The following TBCK variants were observed in gnomAD, a reference collection of about 807,000 sequenced individuals.
TBCK encodes the protein TBC domain-containing protein kinase-like protein.
TBCK carries 99 observed loss-of-function variants against 113.4 expected under a neutral mutation model. The ratio of observed to expected loss-of-function variants is 0.87; its 90% CI spans 0.74 to 1.03. TBCK has a LOEUF of 1.03. Among genes scored for constraint, TBCK ranks in the 50% least tolerant of loss-of-function variants. The pLI is 0.00. For synonymous variants in TBCK, 369 were observed against 370.8 expected (o/e 1.00, Z 0.05); for missense variants, 1,045 against 1,061.3 (o/e 0.98, Z 0.21).
intron 24 of TBCK, among the ~76,000 whole-genome samples, chr4:106,107,504 C>T (rs1248959797): frequency 6.6e-6 from 1 of 152,070 alleles, no homozygotes; most frequent in African/African-American, 2.4e-5. Flanking sequence ...CATACAATTA[C>T]ATAGAAATTA....
chr4:106,072,096 T>C (rs1008982601), intron 25 of TBCK, among the ~76,000 whole-genome samples: 3 of 152,204 alleles, frequency 2.0e-5, no homozygotes, highest in Non-Finnish European at 4.4e-5. Flanking sequence ...CCCATTTACA[T>C]TTAAGATTAA....
chr4:106,093,108 A>T (rs1166281430), intron 25 of TBCK, among the ~76,000 whole-genome samples: 1 of 152,220 alleles, frequency 6.6e-6, no homozygotes, highest in Non-Finnish European at 1.5e-5. Context: ...CAGTTATATA[A>T]AAGATAGGTG....
At chr4:106,176,750 C>T (rs772818391) in intron 22 of TBCK, among the ~76,000 whole-genome samples, 22 of 151,832 alleles carry the variant, frequency 1.4e-4, no homozygotes, top group Admixed American at 1.1e-3. Context: ...TTTTGAGGAA[C>T]CTCCATACTG....
chr4:106,168,061 T>C lies in TBCK; in HGVS notation c.2235+3034A>G, dbSNP rs116050363. Among the ~76,000 whole-genome samples the C allele has an allele frequency of 2.7e-3, 411 of 151,958 alleles. 4 individuals are homozygous for C. The highest frequency in any genetic ancestry group is 9.4e-3 in the African/African-American group (391 of 41,538). On this transcript the variant is annotated intron_variant, in intron 23 of 25. Transcript: ENST00000394708. Reference sequence around the variant, plus strand: ...AGACAAAGACATTACAAGAAAACAGTATCTCTCATGAACATAGATACCAAA... The same window carrying C: ...AGACAAAGACATTACAAGAAAACAGCATCTCTCATGAACATAGATACCAAA...
chr4:106,122,579 G>A (rs903711095), intron 23 of TBCK, among the ~76,000 whole-genome samples: 7 of 152,262 alleles, frequency 4.6e-5, no homozygotes, highest in East Asian at 1.9e-4. Flanking sequence ...CAAAAAAAGC[G>A]AATTTTAGAC....
chr4:106,313,015 T>C (rs2125906407), intron 1 of TBCK, among the ~76,000 whole-genome samples: 1 of 152,304 alleles, frequency 6.6e-6, no homozygotes, highest in South Asian at 2.1e-4. Flanking sequence ...GTTTTATGGA[T>C]GAGTACATGC....
chr4:106,295,739 G>C (rs7688008), intron 2 of TBCK, among the ~76,000 whole-genome samples: 28,352 of 152,044 alleles, frequency 0.19, 2,668 homozygotes, highest in South Asian at 0.25. Context: ...ACTTTTGACT[G>C]TCCCAAAACT....
chr4:106,190,538 A>G (rs1753542980), intron 22 of TBCK, among the ~76,000 whole-genome samples: 1 of 152,184 alleles, frequency 6.6e-6, no homozygotes, highest in African/African-American at 2.4e-5. Flanking sequence ...TCACAATTAC[A>G]CTATATCTCT....
At chr4:106,297,848 C>G (rs1333247611) in intron 2 of TBCK, 1 of 152,204 alleles carries the variant, frequency 6.6e-6, no homozygotes, top group African/African-American at 2.4e-5. Context: ...CCTCTCTATG[C>G]CAGATTTTTT....
intron 2 of TBCK, among the ~76,000 whole-genome samples, chr4:106,301,129 T>G (rs1224747229): frequency 6.6e-6 from 1 of 151,774 alleles, no homozygotes; most frequent in African/African-American, 2.4e-5. Context: ...TTCCCAGCAA[T>G]TCTTTTTTAT....
intron 3 of TBCK, among the ~76,000 whole-genome samples, chr4:106,267,194 G>A (rs6839070): frequency 0.018 from 2,787 of 151,932 alleles, 79 homozygotes; most frequent in African/African-American, 0.061. Context: ...GGTGGCTAGC[G>A]TTTACTTTGT....
chr4:106,282,511 T>C (rs951037291), intron 3 of TBCK, among the ~76,000 whole-genome samples: 2 of 152,144 alleles, frequency 1.3e-5, no homozygotes, highest in African/African-American at 2.4e-5. Context: ...TTGATTTTTT[T>C]TAACTTTATT....
At chr4:106,125,677 T>C (rs1488142126) in intron 23 of TBCK, among the ~76,000 whole-genome samples, 1 of 151,840 alleles carries the variant, frequency 6.6e-6, no homozygotes, top group Non-Finnish European at 1.5e-5. Context: ...AAGTAGAGAG[T>C]AGAACAGTAG....
intron 22 of TBCK, among the ~76,000 whole-genome samples, chr4:106,174,014 T>C (rs1021593300): frequency 6.6e-6 from 1 of 152,130 alleles, no homozygotes; most frequent in Admixed American, 6.6e-5. Flanking sequence ...CACCCATTAG[T>C]ATTAGATCTT....
intron 22 of TBCK, among the ~76,000 whole-genome samples, chr4:106,178,521 T>A (rs571497453): frequency 6.6e-6 from 1 of 152,098 alleles, no homozygotes; most frequent in South Asian, 2.1e-4. Context: ...ATTTTTATCA[T>A]GAAGGAATGT....
At chr4:106,212,869 T>C in intron 19 of TBCK, 34 bp from the exon 20 acceptor site, 13 of 1,326,756 alleles carry the variant, frequency 9.8e-6, no homozygotes, top group Non-Finnish European at 1.4e-5. Context: ...ATCATCATTT[T>C]TACACAGTAC....
At chr4:106,310,533 G>C (rs918822337) in intron 1 of TBCK, 1 of 152,240 alleles carries the variant, frequency 6.6e-6, no homozygotes, top group East Asian at 1.9e-4. Flanking sequence ...AAAAGATAAG[G>C]TTCTTCCCTA....
intron 25 of TBCK, among the ~76,000 whole-genome samples, chr4:106,067,849 A>G (rs1017740075): frequency 6.6e-6 from 1 of 152,138 alleles, no homozygotes; most frequent in African/African-American, 2.4e-5. Context: ...CCATTGGTCT[A>G]TATGTCTATC....
intron 3 of TBCK, among the ~76,000 whole-genome samples, chr4:106,283,103 G>C (rs936524248): frequency 2.6e-5 from 4 of 151,802 alleles, no homozygotes; most frequent in Non-Finnish European, 5.9e-5. Flanking sequence ...AAATTCATTT[G>C]TTTGAGAAAT....
Sources: allele counts gnomAD v4.1 joint callset (sites outside exome capture counted in the v4.1 genomes callset), GRCh38; gene constraint gnomAD v4.1.1; transcripts MANE v1.5; gene names NCBI Gene and HGNC (gene_info 2026-07-23, HGNC 2026-07-21).